Variants in SEC63 observed in about 807,000 individuals in gnomAD.
SEC63 encodes the protein translocation protein SEC63 homolog.
Under a neutral mutation model 116.2 loss-of-function variants are expected in SEC63, and 56 were observed. That is an observed-to-expected ratio of 0.48 (90% CI 0.39 to 0.60). SEC63 has a LOEUF of 0.60. SEC63 is among the 20% of genes least tolerant of loss of function. The pLI, the probability that SEC63 is intolerant of heterozygous loss-of-function variation, is 0.00. For missense variants in SEC63, 668 were observed against 900.0 expected (o/e 0.74, Z 3.30); for synonymous variants, 273 against 294.6 (o/e 0.93, Z 0.75).
In SEC63 at chr6:107,921,780, T is replaced by C; in HGVS notation, c.452+17A>G. ...CTGTACCATTCTTAAAAATTTGTAA[T>C]GGATCCTGATACTTACGCAGCATAA... On this transcript the variant is annotated intron_variant, in intron 4 of 20. Coordinates refer to ENST00000369002, the MANE Select transcript of SEC63 (RefSeq NM_007214.5). 6.7e-7 allele frequency: 1 copy of C among 1,490,506 alleles called. No homozygotes were observed. The highest frequency in any genetic ancestry group is 1.1e-5 in the South Asian group (1 of 88,606). 92.3% of individuals were successfully genotyped at this position (1,490,506 alleles called of 1,614,324 possible).
At position 107,868,838 on chromosome 6, in the gene SEC63, A is replaced by T. The variant is rs1786059344; in HGVS notation, c.*2866T>A. The T allele has an allele frequency of 6.6e-6, 1 of 152,178 alleles. No homozygotes were observed. The highest frequency in any genetic ancestry group is 2.4e-5 in the African/African-American group (1 of 41,440). The allele number at this position is 152,178 out of a possible 1,614,324, so 9.4% of individuals were successfully genotyped here. ...GAGCCTGGCACATAGAAACTCAGTAAATATGTGATGAATGACAACCTCTCA... is the reference window on the plus strand; with the variant it reads ...GAGCCTGGCACATAGAAACTCAGTATATATGTGATGAATGACAACCTCTCA... On this transcript the variant is annotated 3_prime_UTR_variant, in exon 21 of 21. Coordinates refer to ENST00000369002, the MANE Select transcript of SEC63 (RefSeq NM_007214.5).
chr6:107,952,180 T>C (rs1375154334), intron 1 of SEC63, among the ~76,000 whole-genome samples: 2 of 152,170 alleles, frequency 1.3e-5, no homozygotes, highest in African/African-American at 4.8e-5. Context: ...TAATTATAAG[T>C]ACGCTTAGCT....
intron 1 of SEC63, among the ~76,000 whole-genome samples, chr6:107,932,845 G>A (rs958080343): frequency 1.3e-5 from 2 of 152,020 alleles, no homozygotes; most frequent in African/African-American, 4.8e-5. Flanking sequence ...CAGGAACCAG[G>A]AATCCAAGTA....
At chr6:107,934,264 C>A (rs1234603857) in intron 1 of SEC63, among the ~76,000 whole-genome samples, 2 of 151,666 alleles carry the variant, frequency 1.3e-5, no homozygotes, top group African/African-American at 4.8e-5. Context: ...GCCATCCCGT[C>A]TAGGAAGTGA....
intron 12 of SEC63, among the ~76,000 whole-genome samples, chr6:107,902,112 T>A (rs746361084): frequency 2.0e-5 from 3 of 152,118 alleles, no homozygotes; most frequent in Non-Finnish European, 2.9e-5. Context: ...AAGACACAGA[T>A]TAGATCATGA....
At chr6:107,917,037 G>A (rs1051839718) in intron 4 of SEC63, among the ~76,000 whole-genome samples, 5 of 152,112 alleles carry the variant, frequency 3.3e-5, no homozygotes, top group South Asian at 2.1e-4. Flanking sequence ...TAACACACGC[G>A]CTGGAAGGTT....
intron 16 of SEC63, 148 bp downstream of exon 16, chr6:107,893,334 A>G: frequency 1.4e-6 from 1 of 700,200 alleles, no homozygotes; most frequent in Non-Finnish European, 2.4e-6. Context: ...TGAAGGGCTC[A>G]CTGACTGAGA....
In SEC63 at chr6:107,958,015, C is replaced by G. The variant is rs1384097701; in HGVS notation, c.-6G>C. The stretch of plus-strand genomic sequence containing the variant: ...TGGAACTGCTGCCCGGCCATGGCAC[C>G]CCCTCCTCCGCCTCGCTCTTCTCAC... On this transcript the variant is annotated 5_prime_UTR_variant, in exon 1 of 21. Transcript: ENST00000369002. The G allele has an allele frequency of 1.2e-6, 2 of 1,613,000 alleles. No homozygotes were observed. The highest frequency in any genetic ancestry group is 2.7e-5 in the African/African-American group (2 of 74,854).
intron 20 of SEC63, among the ~76,000 whole-genome samples, chr6:107,872,288 C>T (rs1442080217): frequency 1.3e-5 from 2 of 152,052 alleles, no homozygotes; most frequent in Admixed American, 6.6e-5. Context: ...AAAAGAGGTT[C>T]GCATTTACTG....
At chr6:107,921,648 TG>T in intron 4 of SEC63, 148 bp downstream of exon 4, 1 of 678,938 alleles carries the variant, frequency 1.5e-6, no homozygotes. Flanking sequence ...GATGGGGTCT[TG>T]GTATGTTGCC....
Position 107,950,503 on chromosome 6 carries a change from A to G in SEC63, c.124+7383T>C, listed in dbSNP as rs372093027. ...GAAGTGCCATGGGACGTTTTGCAGG[A>G]TAGACTATATGTTAAGCCACAAGAT... On this transcript the variant is annotated intron_variant, in intron 1 of 20. Transcript: ENST00000369002. Among the ~76,000 whole-genome samples, 4 of 152,346 alleles carry G rather than the reference A, an allele frequency of 2.6e-5. No individual in the cohort carries two copies. In the East Asian group the frequency reaches 5.8e-4, roughly 22 times the overall value.
intron 16 of SEC63, among the ~76,000 whole-genome samples, chr6:107,890,756 C>A (rs1308757179): frequency 6.6e-6 from 1 of 152,160 alleles, no homozygotes; most frequent in African/African-American, 2.4e-5. Flanking sequence ...TCTCAAAGGG[C>A]AGGCCTGGTG....
At chr6:107,944,832 G>A (rs1310623925) in intron 1 of SEC63, among the ~76,000 whole-genome samples, 1 of 152,106 alleles carries the variant, frequency 6.6e-6, no homozygotes, top group Non-Finnish European at 1.5e-5. Flanking sequence ...TGTTTATACT[G>A]CATTCATCAT....
intron 13 of SEC63, 128 bp downstream of exon 13, chr6:107,901,242 T>C: frequency 1.1e-6 from 1 of 927,052 alleles, no homozygotes; most frequent in Admixed American, 1.9e-5. Flanking sequence ...ACAGGTAAAC[T>C]ACAGTTCTGC....
At chr6:107,937,919 A>G (rs1257872733) in intron 1 of SEC63, among the ~76,000 whole-genome samples, 1 of 152,160 alleles carries the variant, frequency 6.6e-6, no homozygotes, top group East Asian at 1.9e-4. Context: ...TTCCCTATAC[A>G]TTCTGGATTA....
At chr6:107,941,404 C>A (rs1770371665) in intron 1 of SEC63, among the ~76,000 whole-genome samples, 1 of 151,442 alleles carries the variant, frequency 6.6e-6, no homozygotes, top group African/African-American at 2.4e-5. Flanking sequence ...CTCAAGAAGG[C>A]AGAGGAATCA....
intron 1 of SEC63, among the ~76,000 whole-genome samples, chr6:107,931,462 TGGACTGAAAGACTCTCCCA>T (rs1787804506): frequency 2.7e-5 from 4 of 148,452 alleles, no homozygotes; most frequent in Non-Finnish European, 5.9e-5. Flanking sequence ...CCCAAGCACT[TGGACTGAAAGACTCTCCCA>T]AGTTTAAAAA....
chr6:107,953,506 C>T (rs1330675096), intron 1 of SEC63, among the ~76,000 whole-genome samples: 2 of 99,398 alleles, frequency 2.0e-5, no homozygotes, highest in African/African-American at 3.8e-5. Flanking sequence ...CCAGCCGCCC[C>T]GTCCGGGAGG....
In SEC63 at chr6:107,912,606, G is replaced by A. The variant is rs956869202; in HGVS notation, c.573+110C>T. 6.9e-6 allele frequency: 5 copies of A among 723,900 alleles called. No homozygotes were observed. In the Admixed American group the frequency reaches 8.2e-5, roughly 12 times the overall value. 44.8% of individuals were successfully genotyped at this position (723,900 alleles called of 1,614,324 possible). A position where few individuals can be genotyped will look rare whatever the true frequency, so the allele number is the denominator to read the frequency against. On this transcript the variant is annotated intron_variant, in intron 6 of 20. Transcript: ENST00000369002. Reference sequence around the variant, plus strand: ...TCTCAAATGAATGAATGAATGAATGGCACACCAGTATTTTCTTTGTAATAG... The same window carrying A: ...TCTCAAATGAATGAATGAATGAATGACACACCAGTATTTTCTTTGTAATAG...
Sources: allele counts gnomAD v4.1 joint callset (sites outside exome capture counted in the v4.1 genomes callset), GRCh38; gene constraint gnomAD v4.1.1; transcripts MANE v1.5; gene names NCBI Gene and HGNC (gene_info 2026-07-23, HGNC 2026-07-21).